SNRPN: variants seen among roughly 807,000 people sequenced by gnomAD.
SNRPN encodes the protein small nuclear ribonucleoprotein-associated protein N.
In SNRPN, 7 loss-of-function variants were observed where a neutral mutation model predicts 25.2. That is an observed-to-expected ratio of 0.28 (90% CI 0.16 to 0.52). SNRPN has a LOEUF of 0.52. Ranked by LOEUF, SNRPN falls within the 20% of genes least tolerant of loss-of-function variation. The probability of loss-of-function intolerance (pLI) is 0.96; values close to 1 mark genes in which losing one functional copy is unlikely to be tolerated. For missense variants in SNRPN, 196 were observed against 322.5 expected, an observed-to-expected ratio of 0.61 and a Z score of 3.00; for synonymous variants, 124 against 110.6, an observed-to-expected ratio of 1.12 and a Z score of -0.76.
At chr15:24,945,211 G>A (rs543198686) in intron 3 of SNRPN, among the ~76,000 whole-genome samples, 1 of 151,988 alleles carries the variant, frequency 6.6e-6, no homozygotes, top group South Asian at 2.1e-4. Context: ...AAATGGCTGT[G>A]GCTGTGTTCC....
At chr15:24,896,587 G>A (rs11637183) in intron 2 of SNRPN, among the ~76,000 whole-genome samples, 10,275 of 151,986 alleles carry the variant, frequency 0.068, 482 homozygotes, top group Non-Finnish European at 0.1. Flanking sequence ...GGTGGCGGGC[G>A]CCTGTAGTTC....
At chr15:24,842,767 A>T (rs887055064) in intron 2 of SNRPN, among the ~76,000 whole-genome samples, 3 of 152,156 alleles carry the variant, frequency 2.0e-5, no homozygotes, top group Non-Finnish European at 2.9e-5. Flanking sequence ...TGCTACACTT[A>T]TTCTTGACAA....
intron 1 of SNRPN, among the ~76,000 whole-genome samples, chr15:24,881,782 C>G (rs2056711138): frequency 6.6e-6 from 1 of 152,154 alleles, no homozygotes; most frequent in African/African-American, 2.4e-5. Context: ...TTCATGAGTT[C>G]TGGGTTTATC....
At chr15:24,908,437 C>T (rs1021728758) in intron 2 of SNRPN, among the ~76,000 whole-genome samples, 14 of 152,052 alleles carry the variant, frequency 9.2e-5, no homozygotes, top group Admixed American at 3.3e-4. Context: ...AGAAAGCCTC[C>T]GTCTTTGAGA....
At chr15:24,824,275 T>C (rs766293929) in intron 1 of SNRPN, among the ~76,000 whole-genome samples, 18 of 152,068 alleles carry the variant, frequency 1.2e-4, no homozygotes, top group Non-Finnish European at 2.2e-4. Flanking sequence ...AGGAATTAAT[T>C]TGTGTAGACA....
intron 2 of SNRPN, chr15:24,848,343 C>T (rs2145177453): frequency 6.6e-6 from 1 of 152,076 alleles, no homozygotes; most frequent in African/African-American, 2.4e-5. Context: ...TTTCCGTTTC[C>T]GCGCTTCAAG....
intron 3 of SNRPN, among the ~76,000 whole-genome samples, chr15:24,941,875 G>C (rs1030728837): frequency 6.6e-6 from 1 of 152,040 alleles, no homozygotes; most frequent in Non-Finnish European, 1.5e-5. Context: ...GCTGCCCGGG[G>C]TTCAAACAAT....
intron 1 of SNRPN, among the ~76,000 whole-genome samples, chr15:24,959,467 T>G (rs772822983): frequency 5.3e-5 from 8 of 152,132 alleles, no homozygotes; most frequent in Non-Finnish European, 1.0e-4. Context: ...TAAAAAAAGG[T>G]AAATTCAGAA....
chr15:24,858,296 C>G (rs567121402), intron 1 of SNRPN, among the ~76,000 whole-genome samples: 1 of 152,126 alleles, frequency 6.6e-6, no homozygotes, highest in South Asian at 2.1e-4. Context: ...CTGAAGTTCG[C>G]GGGGAATGAA....
chr15:24,873,484 G>T (rs1421419490), intron 1 of SNRPN, among the ~76,000 whole-genome samples: 4 of 137,468 alleles, frequency 2.9e-5, no homozygotes, highest in African/African-American at 1.1e-4. Flanking sequence ...GTCTCGCTCT[G>T]TTGCCCAGGC....
At chr15:24,835,055 A>AT (rs796201242) in intron 2 of SNRPN, among the ~76,000 whole-genome samples, 5,175 of 30,038 alleles carry the variant, frequency 0.17, 1,422 homozygotes, top group East Asian at 0.55. Context: ...TATATATAAA[A>AT]ATATAGATAT....
chr15:24,923,899 G>GTGTC (rs1345688017), intron 3 of SNRPN, among the ~76,000 whole-genome samples: 5 of 116,456 alleles, frequency 4.3e-5, no homozygotes, highest in African/African-American at 1.7e-4. Context: ...GTGTGTGTGT[G>GTGTC]TGTGTGTGTG....
At chr15:24,889,108 G>A (rs2057436093) in intron 2 of SNRPN, among the ~76,000 whole-genome samples, 1 of 151,736 alleles carries the variant, frequency 6.6e-6, no homozygotes, top group African/African-American at 2.4e-5. Flanking sequence ...AATAGAGACA[G>A]GGTTTCACCA....
At chr15:24,868,121 G>GTATATATA (rs71127007) in intron 1 of SNRPN, among the ~76,000 whole-genome samples, 2,744 of 145,908 alleles carry the variant, frequency 0.019, 49 homozygotes, top group South Asian at 0.061. Flanking sequence ...GTGTGTGTGT[G>GTATATATA]TATATATATA....
chr15:24,864,345 T>C (rs1489778553), intron 1 of SNRPN, among the ~76,000 whole-genome samples: 167 of 141,428 alleles, frequency 1.2e-3, no homozygotes, highest in South Asian at 8.3e-3. Context: ...TTTTCTTTTT[T>C]TTTTTTTTTT....
At chr15:24,859,454 T>G (rs2053779809) in intron 1 of SNRPN, among the ~76,000 whole-genome samples, 1 of 152,154 alleles carries the variant, frequency 6.6e-6, no homozygotes, top group African/African-American at 2.4e-5. Context: ...ACTAGCAAAT[T>G]TCATACAAGT....
chr15:24,832,284 G>T (rs1343225769), intron 2 of SNRPN, among the ~76,000 whole-genome samples: 2 of 112,504 alleles, frequency 1.8e-5, no homozygotes, highest in East Asian at 3.7e-4. Flanking sequence ...AAGATATAAC[G>T]GGGACTTGTT....
At chr15:24,910,057 A>G (rs1357510511) in intron 2 of SNRPN, among the ~76,000 whole-genome samples, 1 of 152,048 alleles carries the variant, frequency 6.6e-6, no homozygotes, top group Non-Finnish European at 1.5e-5. Flanking sequence ...CAGTTCTTTA[A>G]TGTTTAACTT....
chr15:24,935,321 CATAAAT>C (rs2061154972), intron 3 of SNRPN, among the ~76,000 whole-genome samples: 1 of 151,774 alleles, frequency 6.6e-6, no homozygotes, highest in Admixed American at 6.6e-5. Context: ...TCATATGAAA[CATAAAT>C]ATAAGTACTG....
Sources: allele counts gnomAD v4.1 joint callset (sites outside exome capture counted in the v4.1 genomes callset), GRCh38; gene constraint gnomAD v4.1.1; transcripts MANE v1.5; gene names NCBI Gene and HGNC (gene_info 2026-07-23, HGNC 2026-07-21).